The following CNTNAP2 variants were observed in gnomAD, a reference collection of about 807,000 sequenced individuals.
The protein encoded by CNTNAP2 is contactin associated protein 2.
Under a neutral mutation model 155.2 loss-of-function variants are expected in CNTNAP2, and 98 were observed. The ratio of observed to expected loss-of-function variants is 0.63; its 90% CI spans 0.54 to 0.75. The LOEUF (loss-of-function observed/expected upper bound fraction) is 0.75, where lower values mean the gene tolerates loss of function less well. CNTNAP2 is among the 30% of genes least tolerant of loss of function. The pLI is 0.00. For missense variants in CNTNAP2, 1,727 were observed against 1,688.1 expected (o/e 1.02, Z -0.40); for synonymous variants, 651 against 631.2 (o/e 1.03, Z -0.47).
chr7:147,732,916 T>G (rs961013327), intron 13 of CNTNAP2, among the ~76,000 whole-genome samples: 1 of 152,246 alleles, frequency 6.6e-6, no homozygotes, highest in African/African-American at 2.4e-5. Context: ...TTGAGTTCTT[T>G]GTAGATTCTG....
chr7:147,474,717 C>T (rs1004064205), intron 10 of CNTNAP2, among the ~76,000 whole-genome samples: 1 of 152,168 alleles, frequency 6.6e-6, no homozygotes, highest in Non-Finnish European at 1.5e-5. Context: ...CTGACTGAGG[C>T]AGTCTCACAA....
chr7:147,199,889 G>T (rs895131516), intron 8 of CNTNAP2, among the ~76,000 whole-genome samples: 1 of 152,120 alleles, frequency 6.6e-6, no homozygotes, highest in Admixed American at 6.5e-5. Flanking sequence ...AGCTAGAGAG[G>T]GTTGTCTTAT....
chr7:147,112,257 G>A (rs182619435), intron 5 of CNTNAP2, among the ~76,000 whole-genome samples: 172 of 152,256 alleles, frequency 1.1e-3, no homozygotes, highest in African/African-American at 3.9e-3. Flanking sequence ...TTGCTTATCG[G>A]CTTAAGAATC....
intron 13 of CNTNAP2, among the ~76,000 whole-genome samples, chr7:147,795,524 T>C (rs1212210502): frequency 4.6e-5 from 7 of 152,030 alleles, no homozygotes; most frequent in Admixed American, 4.6e-4. Context: ...GTTCAGGTGG[T>C]AAGGAGAAGC....
At chr7:146,338,488 C>A (rs6971327) in intron 1 of CNTNAP2, among the ~76,000 whole-genome samples, 6 of 152,054 alleles carry the variant, frequency 3.9e-5, no homozygotes, top group Non-Finnish European at 7.4e-5. Context: ...TTACTCGTAG[C>A]CCATCTAATT....
chr7:146,290,172 C>T (rs1800406440), intron 1 of CNTNAP2, among the ~76,000 whole-genome samples: 1 of 152,246 alleles, frequency 6.6e-6, no homozygotes, highest in South Asian at 2.1e-4. Context: ...TTGCTTGAGA[C>T]CAGGAGTCCA....
In CNTNAP2 at chr7:148,380,359, C is replaced by A. The variant is rs2116651930; in HGVS notation, c.3476-3290C>A. On this transcript the variant is annotated intron_variant, in intron 21 of 23. Coordinates refer to ENST00000361727, the MANE Select transcript of CNTNAP2 (RefSeq NM_014141.6). ...TCTTAAGAAATATGGAATCTTATTC[C>A]AGACAGGCATTTCTATAACTTTGTG... is the stretch of plus-strand genomic sequence containing the variant. Among the ~76,000 whole-genome samples the A allele has an allele frequency of 1.3e-5, 2 of 152,260 alleles. 1 individual carries two copies. Among genetic ancestry groups the A allele is most frequent in the South Asian group, 4.2e-4 (2 of 4,812 alleles).
intron 15 of CNTNAP2, among the ~76,000 whole-genome samples, chr7:148,094,436 G>A (rs1563197389): frequency 6.6e-6 from 1 of 152,192 alleles, no homozygotes; most frequent in African/African-American, 2.4e-5. Flanking sequence ...CAGATGGGGG[G>A]CAAATCTGCT....
intron 1 of CNTNAP2, among the ~76,000 whole-genome samples, chr7:146,352,465 A>C (rs550257764): frequency 6.6e-6 from 1 of 152,182 alleles, no homozygotes; most frequent in South Asian, 2.1e-4. Flanking sequence ...GTTTGATATT[A>C]GATTTGAATT....
At chr7:146,903,402 A>C (rs912170112) in intron 3 of CNTNAP2, among the ~76,000 whole-genome samples, 2 of 152,200 alleles carry the variant, frequency 1.3e-5, no homozygotes, top group African/African-American at 2.4e-5. Context: ...TTTCATTTGC[A>C]TGTAATAAGC....
Position 146,806,347 on chromosome 7 carries a change from A to T in CNTNAP2, c.208+31966A>T, listed in dbSNP as rs866104906. ...CTCTACTAAATACAAAAAAAAAAAA[A>T]TAGCTGGGCATGGTGGCATGTGCCT... On this transcript the variant is annotated intron_variant, in intron 2 of 23. Coordinates refer to ENST00000361727, the MANE Select transcript of CNTNAP2 (RefSeq NM_014141.6). 5.3e-5 allele frequency among the ~76,000 whole-genome samples: 8 copies of T among 151,828 alleles called. 1 individual carries two copies. The highest frequency in any genetic ancestry group is 1.9e-4 in the African/African-American group (8 of 41,422).
At chr7:146,294,978 AT>A (rs1800489908) in intron 1 of CNTNAP2, among the ~76,000 whole-genome samples, 1 of 152,224 alleles carries the variant, frequency 6.6e-6, no homozygotes, top group Admixed American at 6.6e-5. Flanking sequence ...TAATTATAAA[AT>A]ATAGAGATTT....
chr7:146,547,798 T>C (rs953893035), intron 1 of CNTNAP2, among the ~76,000 whole-genome samples: 1 of 151,774 alleles, frequency 6.6e-6, no homozygotes, highest in Non-Finnish European at 1.5e-5. Flanking sequence ...AAGATCCTGG[T>C]TTTAATTATT....
intron 10 of CNTNAP2, among the ~76,000 whole-genome samples, chr7:147,414,902 A>T (rs1797164444): frequency 7.3e-6 from 1 of 136,700 alleles, no homozygotes; most frequent in Admixed American, 8.3e-5. Context: ...AGATCGCGCC[A>T]CTGCACTCCA....
intron 13 of CNTNAP2, among the ~76,000 whole-genome samples, chr7:147,862,329 G>A (rs1263928010): frequency 1.3e-5 from 2 of 152,030 alleles, no homozygotes; most frequent in African/African-American, 2.4e-5. Flanking sequence ...CCATTCCCCC[G>A]TACTCCTCCA....
At chr7:146,811,044 T>C (rs1803057202) in intron 2 of CNTNAP2, among the ~76,000 whole-genome samples, 1 of 152,184 alleles carries the variant, frequency 6.6e-6, no homozygotes, top group Non-Finnish European at 1.5e-5. Flanking sequence ...TTCAGTGTTT[T>C]GTTGAGGAGT....
chr7:147,755,736 C>A (rs924617173), intron 13 of CNTNAP2, among the ~76,000 whole-genome samples: 4 of 152,166 alleles, frequency 2.6e-5, no homozygotes, highest in Non-Finnish European at 4.4e-5. Context: ...CCATCCAGTT[C>A]GCACTGGTTC....
chr7:147,052,557 A>G (rs1330134928), intron 4 of CNTNAP2, among the ~76,000 whole-genome samples: 1 of 152,092 alleles, frequency 6.6e-6, no homozygotes, highest in Non-Finnish European at 1.5e-5. Flanking sequence ...ATAATAATAG[A>G]TGTTCAAACA....
chr7:147,379,386 C>T (rs1163285083), intron 9 of CNTNAP2, among the ~76,000 whole-genome samples: 1 of 151,986 alleles, frequency 6.6e-6, no homozygotes, highest in Non-Finnish European at 1.5e-5. Context: ...GTTCATTATA[C>T]TTGTTTTCTT....
Sources: allele counts gnomAD v4.1 joint callset (sites outside exome capture counted in the v4.1 genomes callset), GRCh38; gene constraint gnomAD v4.1.1; transcripts MANE v1.5; gene names NCBI Gene and HGNC (gene_info 2026-07-23, HGNC 2026-07-21).